The following LRRC37A2 variants were observed in gnomAD, a reference collection of about 807,000 sequenced individuals.
LRRC37A2 encodes leucine rich repeat containing 37 member A2.
In LRRC37A2, 9 loss-of-function variants were observed where a neutral mutation model predicts 68.8. That is an observed-to-expected ratio of 0.13 (90% CI 0.08 to 0.23). The LOEUF is 0.23. Among genes scored for constraint, LRRC37A2 ranks in the 10% least tolerant of loss-of-function variants. The pLI is 1.00. For missense variants in LRRC37A2, 168 were observed against 950.4 expected (o/e 0.18, Z 10.82); for synonymous variants, 63 against 367.6 (o/e 0.17, Z 9.48).
the LRRC37A2 span, among the ~76,000 whole-genome samples, chr17:47,004,369 C>T: frequency 1.3e-5 from 2 of 152,328 alleles, no homozygotes; most frequent in Non-Finnish European, 1.5e-5. Flanking sequence ...TTGCATTTCA[C>T]GGTAACCCAA....
the LRRC37A2 span, among the ~76,000 whole-genome samples, chr17:46,502,714 G>T: frequency 1.3e-5 from 2 of 151,342 alleles, no homozygotes; most frequent in Non-Finnish European, 2.9e-5. Flanking sequence ...TAAGGCACCT[G>T]TGAGGGTTTT....
chr17:46,911,693 G>A, the LRRC37A2 span, among the ~76,000 whole-genome samples: 1 of 152,070 alleles, frequency 6.6e-6, no homozygotes, highest in Non-Finnish European at 1.5e-5. Flanking sequence ...GACCAGTCTG[G>A]CCAACATGGT....
chr17:46,768,265 C>G, the LRRC37A2 span: 1 of 1,610,374 alleles, frequency 6.2e-7, no homozygotes, highest in Non-Finnish European at 8.5e-7. This position sits in a 1 kb window ranked among gnomAD's most constrained non-coding sequence, Gnocchi z 5.0. Context: ...CAACCCCATT[C>G]CCTGCGCCCA....
At chr17:46,962,875 C>G in the LRRC37A2 span, among the ~76,000 whole-genome samples, 219 of 152,340 alleles carry the variant, frequency 1.4e-3, 1 homozygote, top group Middle Eastern at 6.8e-3. Flanking sequence ...AAAAGAATCT[C>G]TTTCAGTGTG....
the LRRC37A2 span, among the ~76,000 whole-genome samples, chr17:47,011,255 T>C: frequency 1.9e-4 from 29 of 152,256 alleles, no homozygotes; most frequent in African/African-American, 6.5e-4. Context: ...TTATCAAAAG[T>C]ATATTTTTTC....
the LRRC37A2 span, chr17:47,005,535 C>T: frequency 6.6e-6 from 1 of 152,128 alleles, no homozygotes; most frequent in Admixed American, 6.6e-5. Flanking sequence ...TCATCGGATT[C>T]CTGTCTCCTG....
the LRRC37A2 span, among the ~76,000 whole-genome samples, chr17:46,766,030 T>C: frequency 6.6e-6 from 1 of 152,100 alleles, no homozygotes. Context: ...CTTGAAACCA[T>C]ATCTATGTAG....
the LRRC37A2 span, among the ~76,000 whole-genome samples, chr17:46,784,925 G>A: frequency 2.6e-4 from 40 of 152,024 alleles, no homozygotes; most frequent in Admixed American, 9.8e-4. Flanking sequence ...ACAGGCACCC[G>A]CCACCATGCC....
the LRRC37A2 span, among the ~76,000 whole-genome samples, chr17:46,951,642 G>A: frequency 6.6e-6 from 1 of 152,162 alleles, no homozygotes; most frequent in African/African-American, 2.4e-5. Flanking sequence ...CTTAGCATTG[G>A]AGAGCTTCCC....
At chr17:46,825,915 T>C in the LRRC37A2 span, among the ~76,000 whole-genome samples, 1 of 152,134 alleles carries the variant, frequency 6.6e-6, no homozygotes, top group African/African-American at 2.4e-5. Context: ...CCCAGCTACT[T>C]GGGAGGCTGA....
At chr17:46,806,958 T>A in the LRRC37A2 span, among the ~76,000 whole-genome samples, 1 of 151,998 alleles carries the variant, frequency 6.6e-6, no homozygotes, top group Non-Finnish European at 1.5e-5. Context: ...TGTGGAATGG[T>A]GGCAATAGCA....
chr17:46,844,194 C>G, the LRRC37A2 span, among the ~76,000 whole-genome samples: 2 of 151,946 alleles, frequency 1.3e-5, no homozygotes, highest in African/African-American at 4.8e-5. Context: ...TGGCCTCAAG[C>G]AATCCTCCTG....
the LRRC37A2 span, among the ~76,000 whole-genome samples, chr17:46,996,910 A>T: frequency 1.3e-5 from 2 of 152,322 alleles, no homozygotes; most frequent in Admixed American, 1.3e-4. Flanking sequence ...CTCTGGCCTA[A>T]CATGGAAGTG....
the LRRC37A2 span, among the ~76,000 whole-genome samples, chr17:46,752,750 C>A: frequency 6.6e-6 from 1 of 152,198 alleles, no homozygotes; most frequent in East Asian, 1.9e-4. Context: ...ACCACTATGC[C>A]TGGCCCTCGG....
At chr17:46,872,805 T>TGGGGGAGGGGGTGGGCG in the LRRC37A2 span, 3 of 1,089,672 alleles carry the variant, frequency 2.8e-6, no homozygotes, top group Non-Finnish European at 4.0e-6. Context: ...CGGGGAGGGC[T>TGGGGGAGGGGGTGGGCG]GGGGGAAGAA....
chr17:46,807,615 T>G, the LRRC37A2 span, among the ~76,000 whole-genome samples: 4 of 152,252 alleles, frequency 2.6e-5, no homozygotes, highest in South Asian at 8.3e-4. Context: ...TGTGCCTTGC[T>G]TCTTTCCAGA....
At chr17:46,839,775 T>C in the LRRC37A2 span, among the ~76,000 whole-genome samples, 1 of 151,674 alleles carries the variant, frequency 6.6e-6, no homozygotes, top group African/African-American at 2.4e-5. Flanking sequence ...GAACATGCAG[T>C]GTTTGGTTTT....
the LRRC37A2 span, among the ~76,000 whole-genome samples, chr17:46,801,577 G>A: frequency 6.6e-6 from 1 of 152,124 alleles, no homozygotes; most frequent in Admixed American, 6.6e-5. Flanking sequence ...CTGTGATTGC[G>A]CCATTACACT....
At chr17:46,905,135 C>T in the LRRC37A2 span, among the ~76,000 whole-genome samples, 1 of 151,940 alleles carries the variant, frequency 6.6e-6, no homozygotes, top group East Asian at 1.9e-4. Context: ...GCAATGGCTC[C>T]ATCTCGGCTC....
Sources: allele counts gnomAD v4.1 joint callset (sites outside exome capture counted in the v4.1 genomes callset), GRCh38; gene constraint gnomAD v4.1.1; non-coding constraint Gnocchi (gnomAD v3.1); transcripts MANE v1.5; gene names NCBI Gene and HGNC (gene_info 2026-07-23, HGNC 2026-07-21).